The following TRAPPC13 variants were observed in gnomAD, a reference collection of about 807,000 sequenced individuals.
The protein encoded by TRAPPC13 is REV7-interacting novel NHEJ regulator 1.
A neutral mutation model predicts 54.0 loss-of-function variants in TRAPPC13; 39 were observed. That is an observed-to-expected ratio of 0.72 (90% CI 0.56 to 0.94). The LOEUF is 0.94. Ranked by LOEUF, TRAPPC13 falls within the 40% of genes least tolerant of loss-of-function variation. The probability of loss-of-function intolerance (pLI) is 0.00; values close to 1 mark genes in which losing one functional copy is unlikely to be tolerated. For synonymous variants in TRAPPC13, 148 were observed against 167.7 expected, an observed-to-expected ratio of 0.88 and a Z score of 0.91; for missense variants, 386 against 488.1, an observed-to-expected ratio of 0.79 and a Z score of 1.97.
intron 5 of TRAPPC13, among the ~76,000 whole-genome samples, chr5:65,649,679 AACTT>A (rs1756349005): frequency 6.6e-6 from 1 of 152,242 alleles, no homozygotes; most frequent in South Asian, 2.1e-4. Flanking sequence ...TTTGCTTATT[AACTT>A]ATGGGAACCC....
chr5:65,632,996 G>A (rs973453547), intron 1 of TRAPPC13, among the ~76,000 whole-genome samples: 1 of 152,172 alleles, frequency 6.6e-6, no homozygotes, highest in African/African-American at 2.4e-5. Flanking sequence ...GTACATAAGA[G>A]CCTAGACCTC....
intron 7 of TRAPPC13, among the ~76,000 whole-genome samples, chr5:65,653,567 C>T (rs1410460884): frequency 2.6e-5 from 4 of 151,732 alleles, no homozygotes; most frequent in African/African-American, 4.8e-5. Context: ...GAGAATGATA[C>T]GAAAAGATGT....
At chr5:65,643,693 T>A (rs1038143139) in intron 4 of TRAPPC13, among the ~76,000 whole-genome samples, 5 of 151,590 alleles carry the variant, frequency 3.3e-5, no homozygotes, top group African/African-American at 1.2e-4. Flanking sequence ...GGCGGGCGCC[T>A]GTAGTCCCAG....
chr5:65,634,391 A>C (rs1755670498), intron 1 of TRAPPC13, among the ~76,000 whole-genome samples: 1 of 152,180 alleles, frequency 6.6e-6, no homozygotes, highest in Non-Finnish European at 1.5e-5. Context: ...ATGGACTTAA[A>C]TATGTTATAA....
intron 7 of TRAPPC13, among the ~76,000 whole-genome samples, chr5:65,654,208 T>C (rs1161139671): frequency 6.6e-6 from 1 of 152,182 alleles, no homozygotes; most frequent in Non-Finnish European, 1.5e-5. Context: ...AGAAGTGACA[T>C]GCTCTCCATA....
chr5:65,637,830 T>C, intron 4 of TRAPPC13, 50 bp downstream of exon 4: 1 of 1,190,182 alleles, frequency 8.4e-7, no homozygotes, highest in East Asian at 2.6e-5. Context: ...ACAAAGGTTT[T>C]TTTTTAGGCC....
At position 65,664,594 on chromosome 5, in the gene TRAPPC13, A is replaced by G. The variant is rs752136082; in HGVS notation, c.1237A>G (p.Ile413Val). The G allele has an allele frequency of 5.6e-6, 9 of 1,612,312 alleles. 1 individual carries two copies. The highest frequency in any genetic ancestry group is 4.5e-5 in the East Asian group (2 of 44,868). ...ACAAGTCTGTGTGGTATCTTCTGCC[A>G]TTAAAGTGGAAAGCTGAAGGAAACT... ...IAQVCVVSSA[I>V]KVES The change falls in exon 13 of 13, where the codon ATT (isoleucine) becomes GTT (valine). Residue 413 changes from isoleucine (I) to valine (V), a missense_variant. Ile to Val is a conservative substitution (Grantham distance 29). Coordinates refer to ENST00000399438, the MANE Select transcript of TRAPPC13 (RefSeq NM_024941.4).
intron 1 of TRAPPC13, among the ~76,000 whole-genome samples, chr5:65,626,762 T>C (rs1755254251): frequency 6.6e-6 from 1 of 151,812 alleles, no homozygotes; most frequent in Admixed American, 6.6e-5. Context: ...AAAAGTTAAA[T>C]TCCAGTGATA....
intron 1 of TRAPPC13, among the ~76,000 whole-genome samples, chr5:65,634,750 AT>A (rs1010814249): frequency 1.3e-4 from 20 of 151,888 alleles, no homozygotes; most frequent in African/African-American, 4.3e-4. Context: ...AAAAAAAAAA[AT>A]AACCAGGCAT....
chr5:65,629,636 A>G (rs187442387), intron 1 of TRAPPC13: 3 of 1,536,004 alleles, frequency 2.0e-6, no homozygotes, highest in Non-Finnish European at 2.6e-6. Context: ...GAGTGATCCC[A>G]CACAACTGCC....
intron 1 of TRAPPC13, chr5:65,625,440 C>G (rs1178943503): frequency 3.1e-6 from 1 of 318,090 alleles, no homozygotes. Flanking sequence ...CCTTCTGTCT[C>G]TTGTTTCTTC....
intron 4 of TRAPPC13, among the ~76,000 whole-genome samples, chr5:65,643,494 T>C (rs1002087535): frequency 6.6e-5 from 10 of 152,072 alleles, no homozygotes; most frequent in African/African-American, 2.4e-4. Context: ...TATATATATA[T>C]TCTAAAATCT....
chr5:65,664,791 T>C lies in TRAPPC13; in HGVS notation c.*180T>C, dbSNP rs1756979436. The C allele has an allele frequency of 1.7e-6, 1 of 599,140 alleles. No individual in the cohort carries two copies. The highest frequency in any genetic ancestry group is 2.9e-5 in the East Asian group (1 of 33,962). The allele number at this position is 599,140 out of a possible 1,614,324, so 37.1% of individuals were successfully genotyped here. ...ATCTGATTTTATCTTGTAATTTATA[T>C]TTGAAATGAACATGTGTATATTTTC... is the stretch of plus-strand genomic sequence containing the variant. On this transcript the variant is annotated 3_prime_UTR_variant, in exon 13 of 13. Coordinates refer to ENST00000399438, the MANE Select transcript of TRAPPC13 (RefSeq NM_024941.4).
Position 65,633,992 on chromosome 5 carries a change from T to G in TRAPPC13, c.47-1309T>G, listed in dbSNP as rs921143925. Among the ~76,000 whole-genome samples, 19 of 139,132 alleles carry G rather than the reference T, an allele frequency of 1.4e-4. No individual in the cohort carries two copies. The East Asian group carries it at 3.1e-3, about 22-fold the overall frequency. 91.3% of individuals were successfully genotyped at this position (139,132 alleles called of 152,430 possible). A position where few individuals can be genotyped will look rare whatever the true frequency, so the allele number is the denominator to read the frequency against. On this transcript the variant is annotated intron_variant, in intron 1 of 12. Coordinates refer to ENST00000399438, the MANE Select transcript of TRAPPC13 (RefSeq NM_024941.4). ...CTCTCCCAGCGTTTTTTTTTTTTTTTTTTTTTTTTTTGAGACGGAGTCTTG... is the reference window on the plus strand; with the variant it reads ...CTCTCCCAGCGTTTTTTTTTTTTTTGTTTTTTTTTTTGAGACGGAGTCTTG...
intron 4 of TRAPPC13, among the ~76,000 whole-genome samples, chr5:65,644,345 T>C (rs1756099376): frequency 6.6e-6 from 1 of 152,126 alleles, no homozygotes; most frequent in Non-Finnish European, 1.5e-5. Context: ...CCTGGCCAAT[T>C]ATACCAAACT....
intron 1 of TRAPPC13, among the ~76,000 whole-genome samples, chr5:65,632,728 T>C (rs937175140): frequency 2.0e-5 from 3 of 152,322 alleles, no homozygotes; most frequent in South Asian, 2.1e-4. Context: ...TTTAGCATAA[T>C]GCCTGGCGCT....
intron 6 of TRAPPC13, among the ~76,000 whole-genome samples, chr5:65,651,088 T>G (rs975140773): frequency 1.1e-4 from 17 of 152,298 alleles, no homozygotes; most frequent in African/African-American, 4.1e-4. Flanking sequence ...CAACATGTTT[T>G]TGTAATGAAA....
At chr5:65,625,291 T>C (rs933703664) in intron 1 of TRAPPC13, 185 bp downstream of exon 1, 2 of 596,936 alleles carry the variant, frequency 3.4e-6, no homozygotes, top group African/African-American at 1.9e-5. Context: ...GGCCCCTTTC[T>C]AGAACGAAAT....
In TRAPPC13 at chr5:65,631,596, A is replaced by C. The variant is rs554009208; in HGVS notation, c.47-3705A>C. On this transcript the variant is annotated intron_variant, in intron 1 of 12. Coordinates refer to ENST00000399438, the MANE Select transcript of TRAPPC13 (RefSeq NM_024941.4). ...TTGTGTCCATGTATACTCATTGTTT[A>C]TCTCTCACTTATGAGAATATGTGGT... 1.2e-4 allele frequency among the ~76,000 whole-genome samples: 18 copies of C among 152,228 alleles called. No individual in the cohort carries two copies. In the East Asian group the frequency reaches 3.5e-3, roughly 29 times the overall value.
Sources: allele counts gnomAD v4.1 joint callset (sites outside exome capture counted in the v4.1 genomes callset), GRCh38; gene constraint gnomAD v4.1.1; transcripts MANE v1.5; gene names NCBI Gene and HGNC (gene_info 2026-07-23, HGNC 2026-07-21).